BCAS1: variants seen among roughly 807,000 people sequenced by gnomAD.
The protein encoded by BCAS1 is brain enriched myelin associated protein 1, also known as breast carcinoma-amplified sequence 1.
Under a neutral mutation model 65.4 loss-of-function variants are expected in BCAS1, and 46 were observed. The observed-to-expected ratio is 0.70, with a 90% confidence interval of 0.55 to 0.90. The LOEUF (loss-of-function observed/expected upper bound fraction) is 0.90, where lower values mean the gene tolerates loss of function less well. BCAS1 is among the 40% of genes least tolerant of loss of function. BCAS1 has a pLI of 0.00. For missense variants in BCAS1, 793 were observed against 771.2 expected (o/e 1.03, Z -0.33); for synonymous variants, 298 against 293.5 (o/e 1.02, Z -0.16).
chr20:53,981,539 C>A (rs1056138647), intron 8 of BCAS1, among the ~76,000 whole-genome samples: 1 of 130,756 alleles, frequency 7.6e-6, no homozygotes, highest in Non-Finnish European at 1.7e-5. Flanking sequence ...ATTTGGCGTT[C>A]TTTTTTTTTT....
At chr20:53,993,828 G>A (rs1238043302) in intron 6 of BCAS1, among the ~76,000 whole-genome samples, 9 of 152,148 alleles carry the variant, frequency 5.9e-5, no homozygotes, top group Non-Finnish European at 7.4e-5. Context: ...TCCAATGGAA[G>A]AAGAAAATTC....
intron 9 of BCAS1, among the ~76,000 whole-genome samples, chr20:53,971,422 C>T (rs2090176572): frequency 6.6e-6 from 1 of 152,210 alleles, no homozygotes; most frequent in Non-Finnish European, 1.5e-5. Context: ...ATAAAACAAA[C>T]TTCTTTGCTA....
chr20:53,983,874 C>T (rs1175799635), intron 8 of BCAS1, among the ~76,000 whole-genome samples: 1 of 152,124 alleles, frequency 6.6e-6, no homozygotes, highest in Non-Finnish European at 1.5e-5. Context: ...GCTCTCTGTA[C>T]CTAGCTCTGC....
At chr20:54,007,639 C>T (rs1036640992) in intron 4 of BCAS1, among the ~76,000 whole-genome samples, 5 of 152,218 alleles carry the variant, frequency 3.3e-5, no homozygotes, top group Non-Finnish European at 5.9e-5. Flanking sequence ...AGTAGGTTTG[C>T]CTGTGGCTCT....
At chr20:53,981,043 T>C (rs1037501989) in intron 8 of BCAS1, among the ~76,000 whole-genome samples, 2 of 152,252 alleles carry the variant, frequency 1.3e-5, no homozygotes, top group Non-Finnish European at 2.9e-5. Flanking sequence ...AACCTATCCA[T>C]AGAAACTAGA....
At position 54,004,291 on chromosome 20, in the gene BCAS1, C is replaced by A. The variant is rs141385705; in HGVS notation, c.724-8241G>T. Reference sequence around the variant, plus strand: ...CCCAGAAGAGGGTCCTCACAAGAACCCAACCATGCTGGCATCTTGATTTCA... The same window carrying A: ...CCCAGAAGAGGGTCCTCACAAGAACACAACCATGCTGGCATCTTGATTTCA... On this transcript the variant is annotated intron_variant, in intron 4 of 12. Coordinates refer to ENST00000688948, the MANE Select transcript of BCAS1 (RefSeq NM_001366298.2). Among the ~76,000 whole-genome samples the A allele has an allele frequency of 3.9e-5, 6 of 152,276 alleles. 1 individual carries two copies. Among genetic ancestry groups the A allele is most frequent in the African/African-American group, 1.4e-4 (6 of 41,548 alleles).
intron 9 of BCAS1, among the ~76,000 whole-genome samples, chr20:53,969,127 A>G (rs959946031): frequency 1.3e-5 from 2 of 152,022 alleles, no homozygotes; most frequent in South Asian, 2.1e-4. Context: ...TCACATCTAT[A>G]TCCCTCATCT....
At chr20:53,979,295 G>A (rs1373534214) in intron 8 of BCAS1, among the ~76,000 whole-genome samples, 2 of 152,190 alleles carry the variant, frequency 1.3e-5, no homozygotes, top group African/African-American at 4.8e-5. Context: ...TCCAGAATCA[G>A]CAACCTCCAG....
intron 4 of BCAS1, among the ~76,000 whole-genome samples, chr20:54,005,179 AG>A (rs760913381): frequency 0.16 from 24,171 of 152,062 alleles, 2,295 homozygotes; most frequent in East Asian, 0.28. Context: ...AGTGAGGCTA[AG>A]CACAGTGGCT....
intron 3 of BCAS1, among the ~76,000 whole-genome samples, chr20:54,037,058 T>G (rs980646196): frequency 6.6e-6 from 1 of 151,384 alleles, no homozygotes; most frequent in Admixed American, 6.6e-5. Context: ...TTATCTTTTT[T>G]TTTTCATGTG....
In BCAS1 at chr20:54,015,979, A is replaced by G. The variant is rs142611651; in HGVS notation, c.723+12413T>C. 9.7e-3 allele frequency among the ~76,000 whole-genome samples: 1,474 copies of G among 152,352 alleles called. 28 individuals carry two copies. Among genetic ancestry groups the G allele is most frequent in the African/African-American group, 0.033 (1,382 of 41,580 alleles). ...TCGATTATTCTATTACTGAAAGTCA[A>G]CTGCTGTCAACAATTTGCAATTTTT... On this transcript the variant is annotated intron_variant, in intron 4 of 12. Coordinates refer to ENST00000688948, the MANE Select transcript of BCAS1 (RefSeq NM_001366298.2).
chr20:53,986,112 T>C (rs2090608848), intron 7 of BCAS1, among the ~76,000 whole-genome samples: 1 of 152,132 alleles, frequency 6.6e-6, no homozygotes, highest in Admixed American at 6.5e-5. Flanking sequence ...CACTTTTAGG[T>C]GCAGCCCTAC....
At chr20:54,031,591 T>C (rs567135153) in intron 3 of BCAS1, among the ~76,000 whole-genome samples, 1 of 151,244 alleles carries the variant, frequency 6.6e-6, no homozygotes, top group African/African-American at 2.4e-5. Context: ...TGCAAACCAA[T>C]AGGAGGTACA....
At chr20:53,968,760 T>C (rs921056913) in intron 9 of BCAS1, among the ~76,000 whole-genome samples, 2 of 152,186 alleles carry the variant, frequency 1.3e-5, no homozygotes, top group African/African-American at 4.8e-5. Context: ...AGACCAAAAG[T>C]AGTGACAGGG....
At chr20:54,000,920 A>G (rs912550850) in intron 4 of BCAS1, among the ~76,000 whole-genome samples, 1 of 152,158 alleles carries the variant, frequency 6.6e-6, no homozygotes, top group Non-Finnish European at 1.5e-5. Context: ...TTTTTTGCCA[A>G]TTCTAACACC....
intron 9 of BCAS1, among the ~76,000 whole-genome samples, chr20:53,972,632 T>A (rs1039277470): frequency 1.3e-5 from 2 of 152,248 alleles, no homozygotes; most frequent in Non-Finnish European, 2.9e-5. Flanking sequence ...ATATTCTTTT[T>A]AAATTTTTTT....
At position 54,056,180 on chromosome 20, in the gene BCAS1, A is replaced by T. The variant is rs150734690; in HGVS notation, c.142+1905T>A. 5.9e-5 allele frequency among the ~76,000 whole-genome samples: 9 copies of T among 152,304 alleles called. No individual in the cohort carries two copies. The East Asian group carries it at 1.7e-3, about 29-fold the overall frequency. ...GTAAGGGTCCTCACCACACCCTACA[A>T]CAAAAACAAAAAAGTAGCTATGTAT... On this transcript the variant is annotated intron_variant, in intron 3 of 12. Coordinates refer to ENST00000688948, the MANE Select transcript of BCAS1 (RefSeq NM_001366298.2).
intron 3 of BCAS1, among the ~76,000 whole-genome samples, chr20:54,033,937 G>T (rs922777278): frequency 1.1e-4 from 16 of 151,196 alleles, no homozygotes; most frequent in African/African-American, 3.9e-4. Flanking sequence ...ACACCAAAAA[G>T]CTTATCCACC....
At chr20:53,981,614 A>C (rs962649664) in intron 8 of BCAS1, among the ~76,000 whole-genome samples, 16 of 151,698 alleles carry the variant, frequency 1.1e-4, no homozygotes, top group Admixed American at 9.2e-4. Flanking sequence ...TTATAACTGA[A>C]GAAACTGAGG....
Sources: allele counts gnomAD v4.1 joint callset (sites outside exome capture counted in the v4.1 genomes callset), GRCh38; gene constraint gnomAD v4.1.1; transcripts MANE v1.5; gene names NCBI Gene and HGNC (gene_info 2026-07-23, HGNC 2026-07-21).